SKA2: variants seen among roughly 807,000 people sequenced by gnomAD.
The protein encoded by SKA2 is spindle and kinetochore associated complex subunit 2, also known as spindle and kinetochore-associated protein 2.
In SKA2, 13 loss-of-function variants were observed where a neutral mutation model predicts 16.9. That is an observed-to-expected ratio of 0.77 (90% CI 0.50 to 1.22). SKA2 has a LOEUF of 1.22. Among genes scored for constraint, SKA2 ranks in the 50% most tolerant of loss-of-function variants. The probability of loss-of-function intolerance (pLI) is 0.00; values close to 1 mark genes in which losing one functional copy is unlikely to be tolerated. For missense variants in SKA2, 107 were observed against 139.7 expected (o/e 0.77, Z 1.18); for synonymous variants, 47 against 48.5 (o/e 0.97, Z 0.13).
chr17:59,135,850 A>T (rs1186296418), intron 1 of SKA2, among the ~76,000 whole-genome samples: 1 of 148,762 alleles, frequency 6.7e-6, no homozygotes, highest in Non-Finnish European at 1.5e-5. Flanking sequence ...TTTTTAAAAA[A>T]TATAAAATAA....
intron 1 of SKA2, among the ~76,000 whole-genome samples, chr17:59,154,561 C>T (rs1488849071): frequency 1.3e-5 from 2 of 152,264 alleles, no homozygotes; most frequent in African/African-American, 4.8e-5. Context: ...CCCTCACCCA[C>T]GGTTTGCCAC....
At chr17:59,150,383 A>G (rs1483490985) in intron 1 of SKA2, among the ~76,000 whole-genome samples, 1 of 152,212 alleles carries the variant, frequency 6.6e-6, no homozygotes, top group Non-Finnish European at 1.5e-5. Context: ...ACTGTAAAAC[A>G]AACACTCTTA....
chr17:59,124,800 G>C (rs750618976), intron 2 of SKA2, among the ~76,000 whole-genome samples: 1 of 152,194 alleles, frequency 6.6e-6, no homozygotes, highest in Admixed American at 6.6e-5. Context: ...ACATTAGCTC[G>C]ATCAATAAGA....
chr17:59,151,195 A>G, intron 1 of SKA2: 1 of 512,228 alleles, frequency 2.0e-6, no homozygotes, highest in Non-Finnish European at 4.1e-6. Flanking sequence ...ACAGTAGTGC[A>G]ATAAAGTCAG....
chr17:59,151,007 C>A, intron 1 of SKA2: 1 of 298,304 alleles, frequency 3.4e-6, no homozygotes, highest in Non-Finnish European at 6.9e-6. Flanking sequence ...TTTTTTTTTT[C>A]AAATTATGAC....
At chr17:59,131,454 T>A (rs1052982676) in intron 1 of SKA2, 87 bp from the exon 2 acceptor site, 1 of 858,944 alleles carries the variant, frequency 1.2e-6, no homozygotes. Context: ...TTTACATTTG[T>A]TAGTATTTCA....
intron 1 of SKA2, among the ~76,000 whole-genome samples, chr17:59,143,893 C>T (rs1160022680): frequency 6.6e-6 from 1 of 152,112 alleles, no homozygotes; most frequent in African/African-American, 2.4e-5. Flanking sequence ...CGCAGTGGCT[C>T]ATGCCTGTAA....
At chr17:59,120,801 T>C (rs931700717) in intron 2 of SKA2, among the ~76,000 whole-genome samples, 11 of 152,068 alleles carry the variant, frequency 7.2e-5, no homozygotes, top group African/African-American at 2.7e-4. Context: ...AGTAATGATG[T>C]TAAAATTAAG....
chr17:59,152,204 AAGTC>A (rs1172810799), intron 1 of SKA2, among the ~76,000 whole-genome samples: 8 of 152,174 alleles, frequency 5.3e-5, no homozygotes, highest in African/African-American at 1.4e-4. Context: ...GAAGGGGAAA[AAGTC>A]AGAGAACAAA....
chr17:59,149,654 C>T (rs1188404022), intron 1 of SKA2, among the ~76,000 whole-genome samples: 1 of 152,190 alleles, frequency 6.6e-6, no homozygotes, highest in Non-Finnish European at 1.5e-5. Context: ...GACCCGATGT[C>T]TATAAGTTGG....
rs114406355 is a variant in SKA2, at chr17:59,111,859, T to C, written c.*418A>G. 5.5e-3 allele frequency: 880 copies of C among 159,336 alleles called. 13 individuals are homozygous for C. Among genetic ancestry groups the C allele is most frequent in the African/African-American group, 0.02 (851 of 41,668 alleles). 9.9% of individuals were successfully genotyped at this position (159,336 alleles called of 1,614,324 possible). A position where few individuals can be genotyped will look rare whatever the true frequency, so the allele number is the denominator to read the frequency against. ...TATATATCATGTATAACACAAATGT[T>C]TTGCCTATACTTTAATTTACAAAGC... is the stretch of plus-strand genomic sequence containing the variant. On this transcript the variant is annotated 3_prime_UTR_variant, in exon 4 of 4. Coordinates refer to ENST00000330137, the MANE Select transcript of SKA2 (RefSeq NM_182620.4).
At chr17:59,132,323 T>C (rs958891394) in intron 1 of SKA2, among the ~76,000 whole-genome samples, 1 of 149,254 alleles carries the variant, frequency 6.7e-6, no homozygotes, top group Non-Finnish European at 1.5e-5. Flanking sequence ...ACCATTGCAC[T>C]CCAGCCTGGG....
intron 3 of SKA2, among the ~76,000 whole-genome samples, chr17:59,116,395 TTAAA>T (rs939484859): frequency 7.9e-5 from 12 of 151,896 alleles, no homozygotes; most frequent in African/African-American, 1.9e-4. Context: ...AACAAAAAAA[TTAAA>T]TAAATAAATA....
At chr17:59,133,542 T>C (rs562585010) in intron 1 of SKA2, among the ~76,000 whole-genome samples, 2 of 152,188 alleles carry the variant, frequency 1.3e-5, no homozygotes, top group African/African-American at 4.8e-5. Flanking sequence ...GAAGCCTTAG[T>C]GGAAGGGGAA....
intron 3 of SKA2, chr17:59,118,332 A>G (rs1209388091): frequency 6.6e-6 from 1 of 152,218 alleles, no homozygotes; most frequent in Non-Finnish European, 1.5e-5. Flanking sequence ...AGTCTCAAAA[A>G]TATACCATCA....
chr17:59,137,035 C>G (rs2046450759), intron 1 of SKA2, among the ~76,000 whole-genome samples: 1 of 152,058 alleles, frequency 6.6e-6, no homozygotes, highest in Admixed American at 6.6e-5. Context: ...CTTTTTGAGA[C>G]AGGGTCTTGC....
intron 1 of SKA2, among the ~76,000 whole-genome samples, chr17:59,151,498 T>C (rs2046577326): frequency 6.6e-6 from 1 of 152,216 alleles, no homozygotes; most frequent in East Asian, 1.9e-4. Flanking sequence ...GAATGGGTAT[T>C]GTTAATACTT....
chr17:59,141,184 G>T (rs1225548015), intron 1 of SKA2, among the ~76,000 whole-genome samples: 1 of 151,712 alleles, frequency 6.6e-6, no homozygotes, highest in East Asian at 2.0e-4. Flanking sequence ...GAATCACGAG[G>T]TCAAGAGATT....
At chr17:59,121,020 C>T (rs1335117104) in intron 2 of SKA2, among the ~76,000 whole-genome samples, 2 of 151,558 alleles carry the variant, frequency 1.3e-5, no homozygotes, top group Non-Finnish European at 2.9e-5. Context: ...GGCATTGTGG[C>T]GGGCACCTGT....
Sources: gnomAD v4.1 joint callset for allele counts (sites outside exome capture counted in the v4.1 genomes callset) on GRCh38, gnomAD v4.1.1 for gene constraint, MANE v1.5 for transcripts, NCBI Gene and HGNC (gene_info 2026-07-23, HGNC 2026-07-21) for gene names.